KCNJ6: variants seen among roughly 807,000 people sequenced by gnomAD.
KCNJ6 encodes the protein potassium inwardly rectifying channel subfamily J member 6.
In KCNJ6, 9 loss-of-function variants were observed where a neutral mutation model predicts 34.2. The ratio of observed to expected loss-of-function variants is 0.26; its 90% confidence interval spans 0.16 to 0.46. The LOEUF (loss-of-function observed/expected upper bound fraction) is 0.46. Ranked by LOEUF, KCNJ6 falls within the 20% of genes least tolerant of loss-of-function variation. KCNJ6 has a pLI of 1.00. For synonymous variants in KCNJ6, 196 were observed against 207.1 expected, an observed-to-expected ratio of 0.95 and a Z score of 0.46; for missense variants, 236 against 531.3, an observed-to-expected ratio of 0.44 and a Z score of 5.46.
intron 2 of KCNJ6, among the ~76,000 whole-genome samples, chr21:37,715,839 CCTTGAT>C (rs772245959): frequency 4.6e-5 from 7 of 152,174 alleles, no homozygotes; most frequent in Non-Finnish European, 8.8e-5. Context: ...CCTGCCAACA[CCTTGAT>C]CTTGAACTCC....
intron 2 of KCNJ6, among the ~76,000 whole-genome samples, chr21:37,741,131 A>G (rs922265775): frequency 4.6e-5 from 7 of 152,204 alleles, no homozygotes; most frequent in Non-Finnish European, 1.0e-4. Flanking sequence ...CTTTGCTGTC[A>G]TATTGACTTG....
At chr21:37,746,466 T>C (rs575102090) in intron 2 of KCNJ6, among the ~76,000 whole-genome samples, 1 of 152,262 alleles carries the variant, frequency 6.6e-6, no homozygotes, top group East Asian at 1.9e-4. Context: ...GTTTACTGAG[T>C]GTGCTCTGTA....
intron 2 of KCNJ6, among the ~76,000 whole-genome samples, chr21:37,838,855 C>T (rs542693643): frequency 2.2e-4 from 33 of 152,272 alleles, no homozygotes; most frequent in African/African-American, 7.7e-4. Context: ...GATTTGATCA[C>T]GGGGGCGGAT....
intron 1 of KCNJ6, among the ~76,000 whole-genome samples, chr21:37,895,980 T>C (rs1486172168): frequency 6.6e-6 from 1 of 152,182 alleles, no homozygotes; most frequent in Non-Finnish European, 1.5e-5. Flanking sequence ...CTGGGTACTT[T>C]ATAAAGAAAA....
chr21:37,652,181 G>A (rs963546891), intron 3 of KCNJ6, among the ~76,000 whole-genome samples: 4 of 152,208 alleles, frequency 2.6e-5, no homozygotes, highest in Admixed American at 1.3e-4. Context: ...AAACCAGGAA[G>A]CTTCAGGTCA....
intron 1 of KCNJ6, among the ~76,000 whole-genome samples, chr21:37,897,460 G>C (rs2055794595): frequency 6.6e-6 from 1 of 152,204 alleles, no homozygotes; most frequent in African/African-American, 2.4e-5. Flanking sequence ...TTTCTTTCTA[G>C]AAGCAAAGTT....
At chr21:37,821,454 C>A (rs917488332) in intron 2 of KCNJ6, among the ~76,000 whole-genome samples, 2 of 152,040 alleles carry the variant, frequency 1.3e-5, no homozygotes, top group African/African-American at 4.8e-5. Flanking sequence ...TATAGGTAAG[C>A]GTGTCATGGT....
chr21:37,746,681 C>T (rs1318205134), intron 2 of KCNJ6, among the ~76,000 whole-genome samples: 1 of 152,154 alleles, frequency 6.6e-6, no homozygotes, highest in Non-Finnish European at 1.5e-5. Flanking sequence ...CATGACGTCT[C>T]CTGCGACCTT....
intron 2 of KCNJ6, among the ~76,000 whole-genome samples, chr21:37,777,041 A>G (rs899441822): frequency 5.3e-4 from 81 of 152,310 alleles, no homozygotes; most frequent in Non-Finnish European, 1.0e-3. Flanking sequence ...TTATTGGTCT[A>G]TTCAGAGATT....
chr21:37,784,816 A>G (rs2055185559), intron 2 of KCNJ6, among the ~76,000 whole-genome samples: 1 of 152,152 alleles, frequency 6.6e-6, no homozygotes, highest in South Asian at 2.1e-4. Flanking sequence ...TCTGCTTGTT[A>G]TGACTTGTCT....
At chr21:37,690,427 C>A (rs948710908) in intron 3 of KCNJ6, among the ~76,000 whole-genome samples, 7 of 152,200 alleles carry the variant, frequency 4.6e-5, no homozygotes, top group Admixed American at 4.6e-4. Context: ...TGATGGGGTG[C>A]TCTGTGGGGT....
chr21:37,848,839 C>T (rs2055523329), intron 1 of KCNJ6, among the ~76,000 whole-genome samples: 1 of 152,164 alleles, frequency 6.6e-6, no homozygotes, highest in African/African-American at 2.4e-5. Context: ...CAGAGTTTCT[C>T]CAAACCCAGC....
intron 2 of KCNJ6, among the ~76,000 whole-genome samples, chr21:37,781,617 A>G (rs1032378371): frequency 9.9e-5 from 15 of 152,196 alleles, no homozygotes; most frequent in African/African-American, 3.6e-4. Flanking sequence ...TGGTCTAGGC[A>G]CTTTATAAAC....
At chr21:37,711,735 G>GTA (rs1246041436) in intron 3 of KCNJ6, among the ~76,000 whole-genome samples, 2 of 151,750 alleles carry the variant, frequency 1.3e-5, no homozygotes, top group Non-Finnish European at 2.9e-5. Flanking sequence ...TGAGTTGTAT[G>GTA]ATTCCCCTGA....
intron 3 of KCNJ6, among the ~76,000 whole-genome samples, chr21:37,709,518 A>AAAAAAGAAAAGAAAAGAAAAG (rs112508967): frequency 6.9e-6 from 1 of 145,680 alleles, no homozygotes; most frequent in Non-Finnish European, 1.5e-5. Context: ...CTGTCTCAAA[A>AAAAAAGAAAAGAAAAGAAAAG]AAAAGAAAAG....
At chr21:37,900,521 G>A (rs928217563) in intron 1 of KCNJ6, among the ~76,000 whole-genome samples, 7 of 152,214 alleles carry the variant, frequency 4.6e-5, no homozygotes, top group Admixed American at 6.5e-5. Flanking sequence ...TGCAATTTGC[G>A]TGGCGTGTTA....
intron 1 of KCNJ6, among the ~76,000 whole-genome samples, chr21:37,895,370 G>A (rs2055782757): frequency 6.6e-6 from 1 of 152,232 alleles, no homozygotes; most frequent in Non-Finnish European, 1.5e-5. Context: ...CCCATTAGTA[G>A]CACCTTTGGA....
intron 3 of KCNJ6, among the ~76,000 whole-genome samples, chr21:37,658,514 C>G (rs2054474442): frequency 6.6e-6 from 1 of 152,150 alleles, no homozygotes; most frequent in Non-Finnish European, 1.5e-5. Context: ...TTTAGAAAGC[C>G]CCGAAGAAAT....
chr21:37,879,900 T>C (rs8129017), intron 1 of KCNJ6, among the ~76,000 whole-genome samples: 116,578 of 151,756 alleles, frequency 0.77, 45,750 homozygotes, highest in East Asian at 0.93. Flanking sequence ...AAAACGGAAG[T>C]AAAAAAACCC....
Sources: gnomAD v4.1 joint callset for allele counts (sites outside exome capture counted in the v4.1 genomes callset) on GRCh38, gnomAD v4.1.1 for gene constraint, MANE v1.5 for transcripts, NCBI Gene and HGNC (gene_info 2026-07-23, HGNC 2026-07-21) for gene names.